The following CAPS2 variants were observed in gnomAD, a reference collection of about 807,000 sequenced individuals.
CAPS2 encodes calcyphosin-2.
CAPS2 carries 98 observed loss-of-function variants against 86.5 expected under a neutral mutation model. The ratio of observed to expected loss-of-function variants is 1.13; its 90% CI spans 0.96 to 1.34. The LOEUF is 1.34. Ranked by LOEUF, CAPS2 falls within the 40% of genes most tolerant of loss-of-function variation. The pLI is 0.00. For synonymous variants in CAPS2, 210 were observed against 225.1 expected (o/e 0.93, Z 0.60); for missense variants, 729 against 686.8 (o/e 1.06, Z -0.69).
chr12:75,325,220 G>A lies in CAPS2; in HGVS notation c.131+19C>T, dbSNP rs1036039926. The A allele has an allele frequency of 1.9e-5, 29 of 1,546,938 alleles. No homozygotes were observed. Among genetic ancestry groups the A allele is most frequent in the South Asian group, 2.4e-5 (2 of 83,256 alleles). ...TATGTGCCCATTAAACAGTCCAAAT[G>A]TGAAGAAACGTAACTTACACTGGTG... is the stretch of plus-strand genomic sequence containing the variant. On this transcript the variant is annotated intron_variant, in intron 2 of 16. Coordinates refer to ENST00000393284, the Ensembl canonical transcript of CAPS2.
exon 17 of CAPS2, chr12:75,277,542 T>G: frequency 1.1e-6 from 1 of 933,634 alleles, no homozygotes; most frequent in Non-Finnish European, 1.3e-6. Flanking sequence ...AATAAAGAAT[T>G]TAGCCAGTGA....
exon 9 of CAPS2, chr12:75,299,895 T>A (rs2037523801): frequency 6.7e-7 from 1 of 1,483,648 alleles, no homozygotes; most frequent in Non-Finnish European, 9.2e-7. Flanking sequence ...TCAGTTAATG[T>A]AGAATGAGTT....
intron 11 of CAPS2, among the ~76,000 whole-genome samples, chr12:75,294,752 T>C (rs1022899496): frequency 6.6e-6 from 1 of 152,012 alleles, no homozygotes; most frequent in African/African-American, 2.4e-5. Context: ...ACCAAAAACA[T>C]GTATGTGTCG....
chr12:75,356,360 TTTAA>T (rs1182000050), intron 1 of CAPS2, among the ~76,000 whole-genome samples: 2 of 152,184 alleles, frequency 1.3e-5, no homozygotes, highest in Non-Finnish European at 2.9e-5. Context: ...TGTTTTCTTA[TTTAA>T]TTCTCTTTCA....
At chr12:75,358,824 A>G (rs1419718252) in intron 1 of CAPS2, among the ~76,000 whole-genome samples, 2 of 144,176 alleles carry the variant, frequency 1.4e-5, no homozygotes, top group East Asian at 3.9e-4. Flanking sequence ...TTAAATATAT[A>G]TAATATATAA....
rs372535531 is a variant in CAPS2, at chr12:75,368,527, T to A, written c.-395+22311A>T. On this transcript the variant is annotated intron_variant, in intron 1 of 5. Transcript: ENST00000551829. ...CAGGAATACAATATTACGTTATTCT[T>A]TCATTCTTGTGATAAATCCAATTTG... Among the ~76,000 whole-genome samples the A allele has an allele frequency of 9.2e-5, 14 of 151,966 alleles. No individual in the cohort carries two copies. In the East Asian group the frequency reaches 2.7e-3, roughly 29 times the overall value.
exon 7 of CAPS2, chr12:75,312,870 C>T: frequency 6.2e-7 from 1 of 1,604,574 alleles, no homozygotes; most frequent in Non-Finnish European, 8.5e-7. Flanking sequence ...TCTATCATCA[C>T]TTGCTCTGCA....
intron 2 of CAPS2, 61 bp downstream of exon 3, chr12:75,325,178 A>G (rs1211568002): frequency 2.8e-5 from 40 of 1,434,856 alleles, no homozygotes; most frequent in Non-Finnish European, 3.7e-5. Context: ...TTTTTTAACT[A>G]GTCAATGTAT....
At chr12:75,321,304 G>A in intron 5 of CAPS2, 96 bp downstream of exon 5, 1 of 745,696 alleles carries the variant, frequency 1.3e-6, no homozygotes, top group Non-Finnish European at 2.2e-6. Context: ...TACTTATTAT[G>A]ACTAATAGCA....
At chr12:75,383,192 T>C (rs550869584) in intron 1 of CAPS2, among the ~76,000 whole-genome samples, 40 of 152,326 alleles carry the variant, frequency 2.6e-4, no homozygotes, top group Admixed American at 6.5e-4. Context: ...TTTTTTTATA[T>C]GAAGTATATA....
chr12:75,350,927 T>C (rs1040757456), intron 1 of CAPS2, among the ~76,000 whole-genome samples: 1 of 152,124 alleles, frequency 6.6e-6, no homozygotes, highest in Non-Finnish European at 1.5e-5. Flanking sequence ...TTCTAACACA[T>C]TGCGAAGAAG....
intron 1 of CAPS2, among the ~76,000 whole-genome samples, chr12:75,379,357 T>A (rs899389806): frequency 2.0e-5 from 3 of 152,186 alleles, no homozygotes; most frequent in African/African-American, 7.2e-5. Context: ...AGCATCTCCA[T>A]CTTATTAGTG....
At chr12:75,323,325 A>G (rs942087926) in intron 2 of CAPS2, 103 bp from the exon 4 acceptor site, 146 of 887,494 alleles carry the variant, frequency 1.6e-4, no homozygotes, top group South Asian at 3.7e-4. Flanking sequence ...ACTGAAACCA[A>G]TAGTGCCATG....
At chr12:75,388,843 G>A (rs560575402) in intron 1 of CAPS2, among the ~76,000 whole-genome samples, 23 of 152,284 alleles carry the variant, frequency 1.5e-4, no homozygotes, top group Admixed American at 9.2e-4. Flanking sequence ...GTACTACTCT[G>A]TTGTGGGATG....
upstream of CAPS2, among the ~76,000 whole-genome samples, chr12:75,327,901 C>A (rs909304814): frequency 1.3e-5 from 2 of 150,358 alleles, no homozygotes; most frequent in African/African-American, 4.9e-5. Flanking sequence ...TTATTTCATG[C>A]CCAGTGAAAG....
At chr12:75,313,248 A>G (rs1416710558) in intron 6 of CAPS2, among the ~76,000 whole-genome samples, 2 of 152,170 alleles carry the variant, frequency 1.3e-5, no homozygotes, top group Non-Finnish European at 2.9e-5. Context: ...TCCTCCCCTC[A>G]AGAGATGTCC....
intron 1 of CAPS2, chr12:75,362,983 TA>T (rs1460625167): frequency 1.9e-6 from 1 of 530,030 alleles, no homozygotes; most frequent in Non-Finnish European, 3.4e-6. Context: ...GAGACATTAT[TA>T]TTTTTCATTT....
chr12:75,291,784 A>G, exon 13 of CAPS2: 4 of 1,564,326 alleles, frequency 2.6e-6, no homozygotes, highest in Non-Finnish European at 3.5e-6. Flanking sequence ...TGGTTTCTTG[A>G]ATGATTATAT....
At chr12:75,355,140 A>G (rs2043066800) in intron 1 of CAPS2, among the ~76,000 whole-genome samples, 1 of 152,216 alleles carries the variant, frequency 6.6e-6, no homozygotes, top group African/African-American at 2.4e-5. Flanking sequence ...GGGATCAATT[A>G]AACTAAAGAA....
Sources: gnomAD v4.1 joint callset for allele counts (sites outside exome capture counted in the v4.1 genomes callset) on GRCh38, gnomAD v4.1.1 for gene constraint, MANE v1.5 for transcripts, NCBI Gene and HGNC (gene_info 2026-07-23, HGNC 2026-07-21) for gene names.